CD79A: variants seen among roughly 807,000 people sequenced by gnomAD.
CD79A encodes the protein CD79a molecule.
Under a neutral mutation model 27.4 loss-of-function variants are expected in CD79A, and 16 were observed. That is an observed-to-expected ratio of 0.58 (90% CI 0.40 to 0.89). CD79A has a LOEUF of 0.89. Ranked by LOEUF, CD79A falls within the 40% of genes least tolerant of loss-of-function variation. The pLI, the probability that CD79A is intolerant of heterozygous loss-of-function variation, is 0.00. For synonymous variants in CD79A, 110 were observed against 132.7 expected, an observed-to-expected ratio of 0.83 and a Z score of 1.18; for missense variants, 237 against 299.7, an observed-to-expected ratio of 0.79 and a Z score of 1.55.
chr19:41,879,668 A>T lies in CD79A; in HGVS notation c.498+15A>T, dbSNP rs782046568. 1 of 1,561,188 alleles carries T rather than the reference A, an allele frequency of 6.4e-7. No homozygotes were observed. Among genetic ancestry groups the T allele is most frequent in the East Asian group, 2.2e-5 (1 of 44,562 alleles). On this transcript the variant is annotated intron_variant, in intron 3 of 4. Coordinates refer to ENST00000221972, the MANE Select transcript of CD79A (RefSeq NM_001783.4). This position sits in a 1 kb window ranked among gnomAD's most constrained non-coding sequence, Gnocchi z 5.1. ...TGCTGTTCAGGGTGAGCCCCCTCGGACCTCTGAGTCAGCCGGGCGAGGGCC... is the reference window on the plus strand; with the variant it reads ...TGCTGTTCAGGGTGAGCCCCCTCGGTCCTCTGAGTCAGCCGGGCGAGGGCC...
chr19:41,878,919 T>G lies in CD79A; in HGVS notation c.80-71T>G. On this transcript the variant is annotated intron_variant, in intron 1 of 4. Coordinates refer to ENST00000221972, the MANE Select transcript of CD79A (RefSeq NM_001783.4). The surrounding 1 kb of genome is among the most constrained non-coding windows in gnomAD (Gnocchi z 4.3). ...ACCCTCTTCCCAGGAGTGCTGGAAC[T>G]GCAGGGGCCAGGGCTGGGGAAATGT... is the stretch of plus-strand genomic sequence containing the variant. The G allele has an allele frequency of 7.7e-7, 1 of 1,303,950 alleles. No homozygotes were observed. Among genetic ancestry groups the G allele is most frequent in the Non-Finnish European group, 1.1e-6 (1 of 924,458 alleles). The allele number at this position is 1,303,950 out of a possible 1,614,324, so 80.8% of individuals were successfully genotyped here. A position where few individuals can be genotyped will look rare whatever the true frequency, so the allele number is the denominator to read the frequency against.
At position 41,880,935 on chromosome 19, in the gene CD79A, T is replaced by C; in HGVS notation, c.636T>C (p.Asp212=). The change falls in exon 5 of 5, where the codon GAT becomes GAC. Residue 212 remains aspartate (D), a synonymous_variant. Transcript: ENST00000221972. ...GGGGCCTCCAGGGCACCTACCAGGATGTGGGCAGCCTCAACATAGGAGATG... is the reference window on the plus strand; with the variant it reads ...GGGGCCTCCAGGGCACCTACCAGGACGTGGGCAGCCTCAACATAGGAGATG... ...ISRGLQGTYQ[D]VGSLNIGDVQ... is the part of the protein sequence containing the mutation. 1 of 1,600,612 alleles carries C rather than the reference T, an allele frequency of 6.2e-7. No individual in the cohort carries two copies. Among genetic ancestry groups the C allele is most frequent in the Non-Finnish European group, 8.5e-7 (1 of 1,174,662 alleles).
In CD79A at chr19:41,881,282, G is replaced by A. The variant is rs1011403057; in HGVS notation, c.*302G>A. 14 of 510,936 alleles carry A rather than the reference G, an allele frequency of 2.7e-5. No homozygotes were observed. Among genetic ancestry groups the A allele is most frequent in the Non-Finnish European group, 4.3e-5 (12 of 279,088 alleles). The allele number at this position is 510,936 out of a possible 1,614,324, so 31.7% of individuals were successfully genotyped here. On this transcript the variant is annotated 3_prime_UTR_variant, in exon 5 of 5. Coordinates refer to ENST00000221972, the MANE Select transcript of CD79A (RefSeq NM_001783.4). Reference sequence around the variant, plus strand: ...AATGAGCCCTTAATCGCTGCCTCTAGGGGAGCTGATTGTAGCAGCCTCGTT... The same window carrying A: ...AATGAGCCCTTAATCGCTGCCTCTAAGGGAGCTGATTGTAGCAGCCTCGTT...
At chr19:41,880,441 AGGAAG>A (rs1308684357) in intron 3 of CD79A, among the ~76,000 whole-genome samples, 7 of 99,650 alleles carry the variant, frequency 7.0e-5, no homozygotes, top group African/African-American at 2.4e-4. Flanking sequence ...GAGGGAGGGA[AGGAAG>A]GGAAGGGAAG....
chr19:41,878,675 G>A lies in CD79A; in HGVS notation c.80-315G>A, dbSNP rs10415452. ...TACAAAGTGGGTATGCGGGAGGGGG[G>A]CAAGAGATGGCGCTGCAGAGGTGAG... On this transcript the variant is annotated intron_variant, in intron 1 of 4. Coordinates refer to ENST00000221972, the MANE Select transcript of CD79A (RefSeq NM_001783.4). The surrounding 1 kb of genome is among the most constrained non-coding windows in gnomAD (Gnocchi z 4.3). 0.44 allele frequency among the ~76,000 whole-genome samples: 67,369 copies of A among 151,870 alleles called. 17,384 individuals are homozygous for A. The highest frequency in any genetic ancestry group is 0.72 in the Middle Eastern group (212 of 294).
chr19:41,878,958 G>T lies in CD79A; in HGVS notation c.80-32G>T, dbSNP rs1555843425. 7.2e-7 allele frequency: 1 copy of T among 1,387,390 alleles called. No homozygotes were observed. Among genetic ancestry groups the T allele is most frequent in the Admixed American group, 1.7e-5 (1 of 58,860 alleles). The allele number at this position is 1,387,390 out of a possible 1,614,324, so 85.9% of individuals were successfully genotyped here. A position where few individuals can be genotyped will look rare whatever the true frequency, so the allele number is the denominator to read the frequency against. On this transcript the variant is annotated intron_variant, in intron 1 of 4. Transcript: ENST00000221972. The surrounding 1 kb of genome is among the most constrained non-coding windows in gnomAD (Gnocchi z 4.3). ...CTGGGGAAATGTGTCACCATCCCCA[G>T]TCCCTGACCCACCCACCCTGTCTCT... is the stretch of plus-strand genomic sequence containing the variant.
At chr19:41,880,506 A>AAGGG (rs2074217311) in intron 3 of CD79A, among the ~76,000 whole-genome samples, 164 bp from the exon 4 acceptor site, 1 of 146,818 alleles carries the variant, frequency 6.8e-6, no homozygotes, top group Non-Finnish European at 1.5e-5. Context: ...GGAAGGAAGG[A>AAGGG]GAACACTGGT....
Position 41,881,078 on chromosome 19 carries a change from G to A in CD79A, c.*98G>A, listed in dbSNP as rs1415390602. ...ACATTCTCCTTTCAGCCCTTCTGGG[G>A]GCTTCCTTAGTCATATTCCCCCAGT... On this transcript the variant is annotated 3_prime_UTR_variant, in exon 5 of 5. Transcript: ENST00000221972. 2 of 806,092 alleles carry A rather than the reference G, an allele frequency of 2.5e-6. No individual in the cohort carries two copies. Among genetic ancestry groups the A allele is most frequent in the Non-Finnish European group, 4.2e-6 (2 of 481,634 alleles). 49.9% of individuals were successfully genotyped at this position (806,092 alleles called of 1,614,324 possible).
intron 3 of CD79A, among the ~76,000 whole-genome samples, chr19:41,880,456 GGAAGGAAGGAA>G (rs1222670234): frequency 1.4e-3 from 53 of 39,156 alleles, no homozygotes; most frequent in Middle Eastern, 0.028. Flanking sequence ...GGGAAGGGAA[GGAAGGAAGGAA>G]GGAAGGAAGG....
chr19:41,877,455 G>GAGGGAAGGGGGCTC lies in CD79A; in HGVS notation c.79+79_79+92dup. The GAGGGAAGGGGGCTC allele has an allele frequency of 2.4e-6, 3 of 1,229,708 alleles. No individual in the cohort carries two copies. The highest frequency in any genetic ancestry group is 2.4e-5 in the South Asian group (2 of 83,432). 76.2% of individuals were successfully genotyped at this position (1,229,708 alleles called of 1,614,324 possible). On this transcript the variant is annotated intron_variant, in intron 1 of 4. Transcript: ENST00000221972. This position sits in a 1 kb window ranked among gnomAD's most constrained non-coding sequence, Gnocchi z 4.1. ...GGAGGCTGCAGAGAGGGCACAGGCA[G>GAGGGAAGGGGGCTC]AGGGAAGGGGGCTCAGGGAAAGGGG...
chr19:41,880,777 TA>T, intron 4 of CD79A, 39 bp downstream of exon 4: 1 of 1,487,816 alleles, frequency 6.7e-7, no homozygotes, highest in South Asian at 1.2e-5. Context: ...GCAGTTGTGT[TA>T]GGGGTGGGGG....
rs782403186 is a variant in CD79A at position 41,879,317 on chromosome 19, C to A, written c.379+28C>A. On this transcript the variant is annotated intron_variant, in intron 2 of 4. Transcript: ENST00000221972. The surrounding 1 kb of genome is among the most constrained non-coding windows in gnomAD (Gnocchi z 5.1). ...GAGTGGCCCAGCCCTGGCCCCTACT[C>A]CCACTGTCCCGCTGGGGACACTCGG... The A allele has an allele frequency of 1.2e-5, 20 of 1,600,024 alleles. No homozygotes were observed. Among genetic ancestry groups the A allele is most frequent in the Non-Finnish European group, 1.4e-5 (17 of 1,172,874 alleles).
rs988859504 is a variant in CD79A, at chr19:41,878,173, C to G, written c.79+790C>G. Among the ~76,000 whole-genome samples, 2 of 152,146 alleles carry G rather than the reference C, an allele frequency of 1.3e-5. No individual in the cohort carries two copies. The highest frequency in any genetic ancestry group is 4.8e-5 in the African/African-American group (2 of 41,420). On this transcript the variant is annotated intron_variant, in intron 1 of 4. Transcript: ENST00000221972. This position sits in a 1 kb window ranked among gnomAD's most constrained non-coding sequence, Gnocchi z 4.3. ...TCAGAGACACCCCCAGTCTCCACCC[C>G]GCTCTGAGCCCCTTCAATCACCAGC...
chr19:41,879,979 G>T lies in CD79A; in HGVS notation c.498+326G>T, dbSNP rs185241446. The stretch of plus-strand genomic sequence containing the variant: ...ACCCAGGAGTGTGGTTACCCTCCAG[G>T]TGTAGCCAAGACCAGGGAAGGTGGG... On this transcript the variant is annotated intron_variant, in intron 3 of 4. Coordinates refer to ENST00000221972, the MANE Select transcript of CD79A (RefSeq NM_001783.4). The surrounding 1 kb of genome is among the most constrained non-coding windows in gnomAD (Gnocchi z 5.1). Among the ~76,000 whole-genome samples, 22 of 152,148 alleles carry T rather than the reference G, an allele frequency of 1.4e-4. No individual in the cohort carries two copies. The highest frequency in any genetic ancestry group is 5.3e-4 in the African/African-American group (22 of 41,498).
chr19:41,880,454 AAGG>A (rs2074215767), intron 3 of CD79A, among the ~76,000 whole-genome samples: 1 of 70,254 alleles, frequency 1.4e-5, no homozygotes, highest in Non-Finnish European at 2.6e-5. Context: ...AAGGGAAGGG[AAGG>A]AAGGAAGGAA....
Position 41,877,610 on chromosome 19 carries a change from G to A in CD79A, c.79+227G>A, listed in dbSNP as rs2074196601. Among the ~76,000 whole-genome samples, 1 of 152,170 alleles carries A rather than the reference G, an allele frequency of 6.6e-6. No individual in the cohort carries two copies. The highest frequency in any genetic ancestry group is 6.5e-5 in the Admixed American group (1 of 15,282). On this transcript the variant is annotated intron_variant, in intron 1 of 4. Coordinates refer to ENST00000221972, the MANE Select transcript of CD79A (RefSeq NM_001783.4). The surrounding 1 kb of genome is among the most constrained non-coding windows in gnomAD (Gnocchi z 4.1). ...GGGCGTCCACAGTCTCACACAGGGA[G>A]GCAGGAGCAAGAGTCACCTCCCCCA...
Position 41,878,966 on chromosome 19 carries a change from C to G in CD79A, c.80-24C>G. On this transcript the variant is annotated intron_variant, in intron 1 of 4. Transcript: ENST00000221972. This position sits in a 1 kb window ranked among gnomAD's most constrained non-coding sequence, Gnocchi z 4.3. ...ATGTGTCACCATCCCCAGTCCCTGA[C>G]CCACCCACCCTGTCTCTCCACAGGC... 1 of 767,170 alleles carries G rather than the reference C, an allele frequency of 1.3e-6. No individual in the cohort carries two copies. The highest frequency in any genetic ancestry group is 2.2e-6 in the Non-Finnish European group (1 of 460,248). 47.5% of individuals were successfully genotyped at this position (767,170 alleles called of 1,614,324 possible).
Position 41,878,205 on chromosome 19 carries a change from G to T in CD79A, c.80-785G>T, listed in dbSNP as rs2074200177. On this transcript the variant is annotated intron_variant, in intron 1 of 4. Transcript: ENST00000221972. The surrounding 1 kb of genome is among the most constrained non-coding windows in gnomAD (Gnocchi z 4.3). ...AGCCCCTTCAATCACCAGCAGCCCAGCCCAAGGACTGAACTCACCCCTGAC... is the reference window on the plus strand; with the variant it reads ...AGCCCCTTCAATCACCAGCAGCCCATCCCAAGGACTGAACTCACCCCTGAC... Among the ~76,000 whole-genome samples, 1 of 152,166 alleles carries T rather than the reference G, an allele frequency of 6.6e-6. No homozygotes were observed. Among genetic ancestry groups the T allele is most frequent in the African/African-American group, 2.4e-5 (1 of 41,428 alleles).
rs2123303331 is a variant in CD79A at position 41,878,762 on chromosome 19, C to T, written c.80-228C>T. On this transcript the variant is annotated intron_variant, in intron 1 of 4. Coordinates refer to ENST00000221972, the MANE Select transcript of CD79A (RefSeq NM_001783.4). This position sits in a 1 kb window ranked among gnomAD's most constrained non-coding sequence, Gnocchi z 4.3. ...TCATTCTCCTCTCCCAGGATATCCT[C>T]ACCCACCCCAACCAGGTATGTCCTC... Among the ~76,000 whole-genome samples the T allele has an allele frequency of 6.6e-6, 1 of 152,166 alleles. No individual in the cohort carries two copies. The highest frequency in any genetic ancestry group is 1.5e-5 in the Non-Finnish European group (1 of 67,970).
Sources: gnomAD v4.1 joint callset for allele counts (sites outside exome capture counted in the v4.1 genomes callset) on GRCh38, gnomAD v4.1.1 for gene constraint, Gnocchi (gnomAD v3.1) non-coding constraint, MANE v1.5 for transcripts, NCBI Gene and HGNC (gene_info 2026-07-23, HGNC 2026-07-21) for gene names.